POFUT1: variants seen among roughly 807,000 people sequenced by gnomAD.
POFUT1 encodes protein O-fucosyltransferase 1.
In POFUT1, 16 loss-of-function variants were observed where a neutral mutation model predicts 42.4. The observed-to-expected ratio is 0.38, with a 90% CI of 0.26 to 0.57. The LOEUF (loss-of-function observed/expected upper bound fraction) is 0.57. Ranked by LOEUF, POFUT1 falls within the 20% of genes least tolerant of loss-of-function variation. The pLI, the probability that POFUT1 is intolerant of heterozygous loss-of-function variation, is 0.71. For synonymous variants in POFUT1, 206 were observed against 205.4 expected, an observed-to-expected ratio of 1.00 and a Z score of -0.03; for missense variants, 470 against 504.6, an observed-to-expected ratio of 0.93 and a Z score of 0.66.
At chr20:32,229,779 T>C (rs1346086522) in intron 5 of POFUT1, among the ~76,000 whole-genome samples, 2 of 146,518 alleles carry the variant, frequency 1.4e-5, no homozygotes, top group East Asian at 4.0e-4. Flanking sequence ...CCTTCAATGC[T>C]TTTTTTTTTG....
At position 32,207,888 on chromosome 20, in the gene POFUT1, C is replaced by G. The variant is rs1424016768; in HGVS notation, c.-54C>G. On this transcript the variant is annotated 5_prime_UTR_variant, in exon 1 of 7. Coordinates refer to ENST00000375749, the MANE Select transcript of POFUT1 (RefSeq NM_015352.2). ...CTGGGAGCGGGGCGGGCGCTCGCGT[C>G]CCTCCTTCCCTCCCCGACTGTGCGC... 2.1e-6 allele frequency: 3 copies of G among 1,434,370 alleles called. No homozygotes were observed. Among genetic ancestry groups the G allele is most frequent in the African/African-American group, 1.5e-5 (1 of 66,808 alleles). 88.9% of individuals were successfully genotyped at this position (1,434,370 alleles called of 1,614,324 possible).
At chr20:32,231,453 T>G (rs964320218) in intron 6 of POFUT1, 21 of 279,920 alleles carry the variant, frequency 7.5e-5, no homozygotes, top group African/African-American at 4.6e-4. Context: ...CTTCGACCTC[T>G]TTGGGACTGA....
intron 2 of POFUT1, among the ~76,000 whole-genome samples, chr20:32,211,007 A>T (rs1032351775): frequency 1.3e-5 from 2 of 152,230 alleles, no homozygotes; most frequent in African/African-American, 4.8e-5. Flanking sequence ...AGAGTACCAG[A>T]GATCATAGTC....
rs55796237 is a variant in POFUT1, at chr20:32,222,561, G to A, written c.543-5702G>A. On this transcript the variant is annotated intron_variant, in intron 4 of 6. Coordinates refer to ENST00000375749, the MANE Select transcript of POFUT1 (RefSeq NM_015352.2). ...CTAGCTGCAAGAAGTACTTAGAAATGTCTGTCTTTCTTTTTCTTTCCCCCA... is the reference window on the plus strand; with the variant it reads ...CTAGCTGCAAGAAGTACTTAGAAATATCTGTCTTTCTTTTTCTTTCCCCCA... The A allele has an allele frequency of 3.2e-4, 317 of 977,894 alleles. 1 individual carries two copies. In the African/African-American group the frequency reaches 5.1e-3, roughly 16 times the overall value. 60.6% of individuals were successfully genotyped at this position (977,894 alleles called of 1,614,324 possible).
intron 5 of POFUT1, among the ~76,000 whole-genome samples, chr20:32,228,945 G>A (rs898158180): frequency 3.3e-5 from 5 of 152,198 alleles, no homozygotes; most frequent in Non-Finnish European, 5.9e-5. Context: ...AATATAGATG[G>A]TCACCTTGAT....
Position 32,234,837 on chromosome 20 carries a change from G to T in POFUT1, c.*176G>T. On this transcript the variant is annotated 3_prime_UTR_variant, in exon 7 of 7. Coordinates refer to ENST00000375749, the MANE Select transcript of POFUT1 (RefSeq NM_015352.2). Reference sequence around the variant, plus strand: ...GGAGGGAGACGCTCCATATCCCAGGGCATAGGACTTGCAGGTTCCTAGGAG... The same window carrying T: ...GGAGGGAGACGCTCCATATCCCAGGTCATAGGACTTGCAGGTTCCTAGGAG... The T allele has an allele frequency of 1.8e-6, 1 of 564,280 alleles. No individual in the cohort carries two copies. Among genetic ancestry groups the T allele is most frequent in the East Asian group, 3.0e-5 (1 of 33,292 alleles). The allele number at this position is 564,280 out of a possible 1,614,324, so 35.0% of individuals were successfully genotyped here. A position where few individuals can be genotyped will look rare whatever the true frequency, so the allele number is the denominator to read the frequency against.
chr20:32,234,838 C>A lies in POFUT1; in HGVS notation c.*177C>A. The A allele has an allele frequency of 3.5e-6, 2 of 564,200 alleles. No individual in the cohort carries two copies. Among genetic ancestry groups the A allele is most frequent in the South Asian group, 4.9e-5 (2 of 40,536 alleles). The allele number at this position is 564,200 out of a possible 1,614,324, so 34.9% of individuals were successfully genotyped here. Reference sequence around the variant, plus strand: ...GAGGGAGACGCTCCATATCCCAGGGCATAGGACTTGCAGGTTCCTAGGAGC... The same window carrying A: ...GAGGGAGACGCTCCATATCCCAGGGAATAGGACTTGCAGGTTCCTAGGAGC... On this transcript the variant is annotated 3_prime_UTR_variant, in exon 7 of 7. Coordinates refer to ENST00000375749, the MANE Select transcript of POFUT1 (RefSeq NM_015352.2).
In POFUT1 at chr20:32,216,718, A is replaced by C; in HGVS notation, c.539A>C (p.Gln180Pro). ...GCTTCCTACAGAGAACAATGGAGCC[A>C]GAGGTACTTGGAGGGGGTAGCGTTT... ...FSASYREQWS[Q>P]RFSPKEHPVL... Residue 180 changes from glutamine to proline, a missense_variant, in exon 4 of 7, where the codon CAG becomes CCG. Physicochemically the swap from Gln to Pro is moderately conservative, Grantham distance 76. Transcript: ENST00000375749. The C allele has an allele frequency of 6.2e-7, 1 of 1,604,348 alleles. No individual in the cohort carries two copies. The highest frequency in any genetic ancestry group is 8.5e-7 in the Non-Finnish European group (1 of 1,171,080).
chr20:32,229,070 TA>T (rs747904893), intron 5 of POFUT1, among the ~76,000 whole-genome samples: 16 of 152,170 alleles, frequency 1.1e-4, no homozygotes, highest in Non-Finnish European at 1.5e-4. Flanking sequence ...ATTTACCCAC[TA>T]AACTCTCCTC....
chr20:32,211,102 G>T (rs1274136038), intron 2 of POFUT1, among the ~76,000 whole-genome samples: 1 of 152,004 alleles, frequency 6.6e-6, no homozygotes, highest in Non-Finnish European at 1.5e-5. Context: ...AAAATAAGCT[G>T]GTAATGATTC....
intron 5 of POFUT1, 71 bp downstream of exon 5, chr20:32,228,526 T>A (rs1232067688): frequency 7.3e-7 from 1 of 1,362,752 alleles, no homozygotes; most frequent in Admixed American, 2.0e-5. Flanking sequence ...CCTGTAGGGA[T>A]CGGCCCCGCG....
rs778155129 is a variant in POFUT1 at position 32,210,180 on chromosome 20, T to G, written c.234T>G (p.Pro78=). The change falls in exon 2 of 7, where the codon CCT becomes CCG. Residue 78 remains proline, a synonymous_variant. Coordinates refer to ENST00000375749, the MANE Select transcript of POFUT1 (RefSeq NM_015352.2). ...PPWIEYQHHK[P]PFTNLHVSYQ... is the part of the protein sequence containing the mutation. ...GGATTGAGTACCAGCATCACAAGCC[T>G]CCTTTCACCAACGTGAGTACTTCCC... 4.6e-5 allele frequency: 74 copies of G among 1,614,040 alleles called. No individual in the cohort carries two copies. The highest frequency in any genetic ancestry group is 1.6e-4 in the Middle Eastern group (1 of 6,084).
intron 4 of POFUT1, chr20:32,223,365 C>A (rs1201393033): frequency 4.1e-6 from 4 of 985,276 alleles, no homozygotes; most frequent in South Asian, 4.7e-5. Context: ...TAGCCTCTTG[C>A]TGCTTGTTGG....
intron 4 of POFUT1, among the ~76,000 whole-genome samples, chr20:32,219,521 T>G (rs1600388637): frequency 6.6e-6 from 1 of 151,402 alleles, no homozygotes. Context: ...TTTTTTTTTT[T>G]TTTTTTGAGA....
intron 4 of POFUT1, among the ~76,000 whole-genome samples, chr20:32,227,886 C>A (rs2122595531): frequency 6.6e-6 from 1 of 152,302 alleles, no homozygotes; most frequent in Non-Finnish European, 1.5e-5. Context: ...ATGTCCCAGT[C>A]CTGCCATGTA....
intron 4 of POFUT1, among the ~76,000 whole-genome samples, chr20:32,225,927 T>C (rs907087459): frequency 3.3e-5 from 5 of 152,194 alleles, no homozygotes; most frequent in Non-Finnish European, 7.3e-5. Context: ...ATAGTCAACA[T>C]TGGAACAAAG....
chr20:32,228,762 G>A (rs1469902354), intron 5 of POFUT1, among the ~76,000 whole-genome samples: 2 of 152,228 alleles, frequency 1.3e-5, no homozygotes, highest in Non-Finnish European at 2.9e-5. Flanking sequence ...GGAGTCCCCT[G>A]TCCTAGCTCA....
At chr20:32,217,868 G>A (rs770007913) in intron 4 of POFUT1, 9 of 325,128 alleles carry the variant, frequency 2.8e-5, no homozygotes, top group Non-Finnish European at 3.1e-5. Flanking sequence ...GAGCTGTTGA[G>A]TGGACAGCTC....
chr20:32,224,116 G>A (rs558726078), intron 4 of POFUT1, among the ~76,000 whole-genome samples: 4 of 152,214 alleles, frequency 2.6e-5, no homozygotes, highest in Admixed American at 6.5e-5. Flanking sequence ...TCTAGGCCAG[G>A]CGCGGTGGCT....
Sources: allele counts gnomAD v4.1 joint callset (sites outside exome capture counted in the v4.1 genomes callset), GRCh38; gene constraint gnomAD v4.1.1; transcripts MANE v1.5; gene names NCBI Gene and HGNC (gene_info 2026-07-23, HGNC 2026-07-21).